The following UBE3C variants were observed in gnomAD, a reference collection of about 807,000 sequenced individuals.
The protein encoded by UBE3C is ubiquitin protein ligase E3C, also known as ubiquitin-protein ligase E3C.
A neutral mutation model predicts 129.4 loss-of-function variants in UBE3C; 42 were observed. That is an observed-to-expected ratio of 0.32 (90% CI 0.25 to 0.42). UBE3C has a LOEUF of 0.42. Ranked by LOEUF, UBE3C falls within the 10% of genes least tolerant of loss-of-function variation. The pLI is 1.00. For synonymous variants in UBE3C, 510 were observed against 492.4 expected (o/e 1.04, Z -0.47); for missense variants, 1,049 against 1,319.1 (o/e 0.80, Z 3.17).
intron 19 of UBE3C, 152 bp downstream of exon 19, chr7:157,248,732 C>T: frequency 1.3e-6 from 1 of 782,932 alleles, no homozygotes; most frequent in African/African-American, 1.7e-5. Context: ...CATATAGCTC[C>T]AAAGCACCTT....
At chr7:157,201,429 A>G (rs1809278296) in intron 10 of UBE3C, among the ~76,000 whole-genome samples, 2 of 149,358 alleles carry the variant, frequency 1.3e-5, no homozygotes, top group African/African-American at 4.9e-5. Context: ...CAACTTGTGC[A>G]TGAAAACAGC....
intron 1 of UBE3C, among the ~76,000 whole-genome samples, chr7:157,157,685 A>G (rs1807948763): frequency 1.3e-5 from 2 of 152,214 alleles, no homozygotes; most frequent in Admixed American, 1.3e-4. Flanking sequence ...ATTAAAATAT[A>G]ACATGGTGGC....
At chr7:157,176,876 T>C (rs1467405394) in intron 5 of UBE3C, among the ~76,000 whole-genome samples, 2 of 152,322 alleles carry the variant, frequency 1.3e-5, no homozygotes, top group African/African-American at 2.4e-5. Flanking sequence ...TTTAACAAAA[T>C]GTAAATGTTA....
rs144368932 is a variant in UBE3C, at chr7:157,145,838, C to T, written c.66+6500C>T. Among the ~76,000 whole-genome samples the T allele has an allele frequency of 2.3e-4, 35 of 152,228 alleles. 1 individual carries two copies. Among genetic ancestry groups the T allele is most frequent in the African/African-American group, 5.3e-4 (22 of 41,528 alleles). On this transcript the variant is annotated intron_variant, in intron 1 of 22. Coordinates refer to ENST00000348165, the MANE Select transcript of UBE3C (RefSeq NM_014671.3). ...AATAGAGTCCTCAAAACCTCCTCTCCGCTGCACGCTGTTTCCTTTGTTATT... is the reference window on the plus strand; with the variant it reads ...AATAGAGTCCTCAAAACCTCCTCTCTGCTGCACGCTGTTTCCTTTGTTATT...
Position 157,231,145 on chromosome 7 carries a change from A to T in UBE3C, c.2299A>T (p.Ile767Phe). The T allele has an allele frequency of 6.2e-7, 1 of 1,614,066 alleles. No individual in the cohort carries two copies. The highest frequency in any genetic ancestry group is 1.1e-5 in the South Asian group (1 of 91,070). Residue 767 changes from isoleucine (I) to phenylalanine (F), a missense_variant, in exon 18 of 23, where the codon ATT becomes TTT. Ile to Phe is a conservative substitution (Grantham distance 21). Coordinates refer to ENST00000348165, the MANE Select transcript of UBE3C (RefSeq NM_014671.3). The stretch of plus-strand genomic sequence containing the variant: ...TGCCCATGGCCTGGATGAAGCTGGC[A>T]TTGATGGTGGTGGTATTTTCAGAGA... ...LNAHGLDEAGIDGGGIFREFL... is the reference protein window; with the variant it reads ...LNAHGLDEAGFDGGGIFREFL...
intron 15 of UBE3C, chr7:157,221,567 C>T (rs1795737544): frequency 1.3e-5 from 2 of 152,194 alleles, no homozygotes. Context: ...ATAGTGAAAC[C>T]CCGTCTCTAC....
intron 22 of UBE3C, among the ~76,000 whole-genome samples, chr7:157,264,042 A>C (rs929176757): frequency 1.3e-5 from 2 of 152,062 alleles, no homozygotes; most frequent in African/African-American, 4.8e-5. Flanking sequence ...AAGCACTGGT[A>C]CTACAGGTGT....
chr7:157,149,762 G>T (rs3779604), intron 1 of UBE3C, among the ~76,000 whole-genome samples: 1 of 152,172 alleles, frequency 6.6e-6, no homozygotes, highest in Non-Finnish European at 1.5e-5. Context: ...GCTGTAAGGA[G>T]CTTCACTCTG....
At chr7:157,211,437 T>C (rs1468480371) in intron 13 of UBE3C, among the ~76,000 whole-genome samples, 1 of 152,200 alleles carries the variant, frequency 6.6e-6, no homozygotes, top group East Asian at 1.9e-4. Flanking sequence ...AAGTGGATGC[T>C]ATATGCAGTA....
intron 1 of UBE3C, among the ~76,000 whole-genome samples, chr7:157,161,701 T>C (rs1808075202): frequency 6.6e-6 from 1 of 152,036 alleles, no homozygotes; most frequent in Non-Finnish European, 1.5e-5. Context: ...TGATCTGCCC[T>C]CCATGGCCTT....
intron 13 of UBE3C, among the ~76,000 whole-genome samples, chr7:157,213,766 A>G (rs1809659547): frequency 6.6e-6 from 1 of 152,214 alleles, no homozygotes; most frequent in Non-Finnish European, 1.5e-5. Flanking sequence ...GATATTCTAA[A>G]TAAGTATTTT....
intron 18 of UBE3C, chr7:157,231,540 T>TC (rs746600702): frequency 4.9e-6 from 3 of 614,620 alleles, no homozygotes; most frequent in Non-Finnish European, 8.2e-6. Context: ...TGAAACTTGA[T>TC]CCCCAGTGTG....
intron 1 of UBE3C, among the ~76,000 whole-genome samples, chr7:157,151,651 A>G (rs1807759849): frequency 6.6e-6 from 1 of 152,198 alleles, no homozygotes; most frequent in African/African-American, 2.4e-5. Flanking sequence ...AAAAAAGCCC[A>G]GTAGAACCAT....
chr7:157,147,513 TTTTTTTC>T (rs1399296891), intron 1 of UBE3C, among the ~76,000 whole-genome samples: 1 of 152,192 alleles, frequency 6.6e-6, no homozygotes, highest in African/African-American at 2.4e-5. Context: ...CTGTATGCCT[TTTTTTTC>T]TTTTTTCTTT....
rs752064275 is a variant in UBE3C at position 157,225,555 on chromosome 7, T to C, written c.2233+16T>C. 3.2e-6 allele frequency: 5 copies of C among 1,549,264 alleles called. No individual in the cohort carries two copies. The highest frequency in any genetic ancestry group is 2.3e-5 in the East Asian group (1 of 42,570). On this transcript the variant is annotated intron_variant, in intron 17 of 22. Transcript: ENST00000348165. Reference sequence around the variant, plus strand: ...CCAGAAAATGGTATATATAATTCTTTCTGTGTATTATTTGGCAGGTGGAGG... The same window carrying C: ...CCAGAAAATGGTATATATAATTCTTCCTGTGTATTATTTGGCAGGTGGAGG...
chr7:157,189,569 C>T lies in UBE3C; in HGVS notation c.1331+2548C>T, dbSNP rs147528239. 1.6e-4 allele frequency among the ~76,000 whole-genome samples: 24 copies of T among 152,214 alleles called. 1 individual carries two copies. The East Asian group carries it at 4.6e-3, about 29-fold the overall frequency. On this transcript the variant is annotated intron_variant, in intron 10 of 22. Transcript: ENST00000348165. ...GAGTTTCATTGACTGCATTTGTGAC[C>T]CTACTTACATGTAGATGAGGCCTGC... is the stretch of plus-strand genomic sequence containing the variant.
intron 1 of UBE3C, among the ~76,000 whole-genome samples, chr7:157,145,506 G>T (rs973642528): frequency 6.6e-6 from 1 of 152,052 alleles, no homozygotes; most frequent in Admixed American, 6.6e-5. Flanking sequence ...TGACGAGAGT[G>T]ATACTCTTTT....
intron 18 of UBE3C, 135 bp downstream of exon 18, chr7:157,231,462 C>G (rs1227997308): frequency 7.6e-7 from 1 of 1,314,690 alleles, no homozygotes; most frequent in Non-Finnish European, 1.0e-6. Context: ...TGCAAAAGCA[C>G]TGCACGAAAC....
intron 1 of UBE3C, among the ~76,000 whole-genome samples, chr7:157,143,375 A>G (rs183895503): frequency 1.3e-5 from 2 of 152,188 alleles, no homozygotes; most frequent in Admixed American, 1.3e-4. Context: ...CAAGTTTATG[A>G]AAGGATAGGC....
Sources: gnomAD v4.1 joint callset for allele counts (sites outside exome capture counted in the v4.1 genomes callset) on GRCh38, gnomAD v4.1.1 for gene constraint, MANE v1.5 for transcripts, NCBI Gene and HGNC (gene_info 2026-07-23, HGNC 2026-07-21) for gene names.